The following TOP1 variants were observed in gnomAD, a reference collection of about 807,000 sequenced individuals.
TOP1 encodes the protein DNA topoisomerase I, also known as DNA topoisomerase 1.
In TOP1, 10 loss-of-function variants were observed where a neutral mutation model predicts 111.1. The observed-to-expected ratio is 0.09, with a 90% CI of 0.06 to 0.15. The LOEUF (loss-of-function observed/expected upper bound fraction) is 0.15, where lower values mean the gene tolerates loss of function less well. TOP1 is among the 10% of genes least tolerant of loss of function. The pLI, the probability that TOP1 is intolerant of heterozygous loss-of-function variation, is 1.00. For synonymous variants in TOP1, 271 were observed against 302.9 expected (o/e 0.89, Z 1.10); for missense variants, 474 against 926.7 (o/e 0.51, Z 6.34).
chr20:41,089,020 C>CCT (rs2033883300), intron 8 of TOP1, among the ~76,000 whole-genome samples: 2 of 77,926 alleles, frequency 2.6e-5, no homozygotes, highest in South Asian at 9.7e-4. Flanking sequence ...TGCCCCAGTT[C>CCT]TTTTTTTTTT....
chr20:41,054,214 G>C (rs1878948902), intron 2 of TOP1, among the ~76,000 whole-genome samples: 1 of 152,106 alleles, frequency 6.6e-6, no homozygotes, highest in Non-Finnish European at 1.5e-5. Flanking sequence ...GGAGGTGATT[G>C]AATCACCCGG....
rs75253847 is a variant in TOP1 at position 41,031,124 on chromosome 20, A to G, written c.58+1669A>G. 3.5e-3 allele frequency among the ~76,000 whole-genome samples: 538 copies of G among 152,304 alleles called. 3 individuals carry two copies. The highest frequency in any genetic ancestry group is 0.012 in the African/African-American group (515 of 41,572). The stretch of plus-strand genomic sequence containing the variant: ...CTGGGGGTTGTGGAAGACTGGGCGC[A>G]GAGAATTGTCAGGGGTTGGAGTGTT... On this transcript the variant is annotated intron_variant, in intron 2 of 20. Transcript: ENST00000361337.
At position 41,102,700 on chromosome 20, in the gene TOP1, C is replaced by T. The variant is rs759920884; in HGVS notation, c.1308+1347C>T. Among the ~76,000 whole-genome samples the T allele has an allele frequency of 1.3e-5, 2 of 152,242 alleles. No individual in the cohort carries two copies. Among genetic ancestry groups the T allele is most frequent in the Non-Finnish European group, 2.9e-5 (2 of 68,012 alleles). On this transcript the variant is annotated intron_variant, in intron 13 of 20. Coordinates refer to ENST00000361337, the MANE Select transcript of TOP1 (RefSeq NM_003286.4). This position sits in a 1 kb window ranked among gnomAD's most constrained non-coding sequence, Gnocchi z 4.0. ...TCAGAAAGCGAACACTTATGTTGAGCAGACTAGTCATTTAAAGAAACATGT... is the reference window on the plus strand; with the variant it reads ...TCAGAAAGCGAACACTTATGTTGAGTAGACTAGTCATTTAAAGAAACATGT...
intron 3 of TOP1, chr20:41,072,181 A>G (rs1418536259): frequency 1.1e-6 from 1 of 944,690 alleles, no homozygotes; most frequent in Non-Finnish European, 1.3e-6. Context: ...TTCAGCCTCT[A>G]ACCTGGCTAA....
At position 41,118,731 on chromosome 20, in the gene TOP1, A is replaced by G. The variant is rs2145970864; in HGVS notation, c.1950+435A>G. 6.6e-6 allele frequency among the ~76,000 whole-genome samples: 1 copy of G among 152,368 alleles called. No homozygotes were observed. Among genetic ancestry groups the G allele is most frequent in the South Asian group, 2.1e-4 (1 of 4,830 alleles). ...TATTTAAAGTCTTTCAAATCCTAGCATAGCTATTTTTATTTTTACGCATTC... is the reference window on the plus strand; with the variant it reads ...TATTTAAAGTCTTTCAAATCCTAGCGTAGCTATTTTTATTTTTACGCATTC... On this transcript the variant is annotated intron_variant, in intron 18 of 20. Transcript: ENST00000361337. The surrounding 1 kb of genome is among the most constrained non-coding windows in gnomAD (Gnocchi z 4.6).
chr20:41,057,085 G>T lies in TOP1; in HGVS notation c.59-4309G>T, dbSNP rs543097955. 3.3e-5 allele frequency among the ~76,000 whole-genome samples: 5 copies of T among 152,212 alleles called. No individual in the cohort carries two copies. The East Asian group carries it at 9.6e-4, about 29-fold the overall frequency. ...GTTCGAGACCAGCCTCGGCAACACG[G>T]TGAAACCCCATCTCTACTAAAATAC... On this transcript the variant is annotated intron_variant, in intron 2 of 20. Coordinates refer to ENST00000361337, the MANE Select transcript of TOP1 (RefSeq NM_003286.4).
intron 4 of TOP1, among the ~76,000 whole-genome samples, chr20:41,076,667 A>G (rs1293173318): frequency 2.0e-5 from 3 of 152,214 alleles, no homozygotes; most frequent in Non-Finnish European, 4.4e-5. Context: ...ATTTGGTTCC[A>G]GCATAACCAG....
At chr20:41,035,387 A>G (rs2033172448) in intron 2 of TOP1, among the ~76,000 whole-genome samples, 1 of 152,132 alleles carries the variant, frequency 6.6e-6, no homozygotes, top group African/African-American at 2.4e-5. Context: ...TGAAATTAAC[A>G]TTTTTGTTTC....
rs2034336690 is a variant in TOP1, at chr20:41,116,744, T to C, written c.1822+352T>C. 6.6e-6 allele frequency among the ~76,000 whole-genome samples: 1 copy of C among 152,212 alleles called. No homozygotes were observed. The highest frequency in any genetic ancestry group is 2.4e-5 in the African/African-American group (1 of 41,460). ...ATTGGAGAGAGTAAAGTTGTCATGG[T>C]TACCAGAAAAATACAGGAACAAGTC... On this transcript the variant is annotated intron_variant, in intron 17 of 20. Coordinates refer to ENST00000361337, the MANE Select transcript of TOP1 (RefSeq NM_003286.4). This position sits in a 1 kb window ranked among gnomAD's most constrained non-coding sequence, Gnocchi z 5.6.
chr20:41,122,333 C>T lies in TOP1; in HGVS notation c.2195+178C>T, dbSNP rs928295956. 6.6e-6 allele frequency among the ~76,000 whole-genome samples: 1 copy of T among 152,194 alleles called. No individual in the cohort carries two copies. Among genetic ancestry groups the T allele is most frequent in the African/African-American group, 2.4e-5 (1 of 41,448 alleles). ...GGTTGCTGAACCTTGTCTGTAAATG[C>T]ATTGCAACATTCTGGTTGCTCCTAA... On this transcript the variant is annotated intron_variant, in intron 20 of 20. Coordinates refer to ENST00000361337, the MANE Select transcript of TOP1 (RefSeq NM_003286.4). The surrounding 1 kb of genome is among the most constrained non-coding windows in gnomAD (Gnocchi z 5.4).
chr20:41,096,305 T>C (rs1013374696), intron 9 of TOP1, among the ~76,000 whole-genome samples: 1 of 152,190 alleles, frequency 6.6e-6, no homozygotes, highest in Non-Finnish European at 1.5e-5. Flanking sequence ...TGACCTCAAG[T>C]GATCTGCCTG....
Position 41,097,813 on chromosome 20 carries a change from G to T in TOP1, c.853-402G>T, listed in dbSNP as rs184537135. On this transcript the variant is annotated intron_variant, in intron 10 of 20. Coordinates refer to ENST00000361337, the MANE Select transcript of TOP1 (RefSeq NM_003286.4). The surrounding 1 kb of genome is among the most constrained non-coding windows in gnomAD (Gnocchi z 4.2). ...TCTCAATTTGGATAATGTGGACAGA[G>T]GCAGCAGTAAAGTTTACTTCCTGAA... Among the ~76,000 whole-genome samples the T allele has an allele frequency of 3.2e-3, 483 of 152,268 alleles. 3 individuals carry two copies. Among genetic ancestry groups the T allele is most frequent in the South Asian group, 7.0e-3 (34 of 4,824 alleles).
intron 2 of TOP1, among the ~76,000 whole-genome samples, chr20:41,044,521 G>T (rs999779274): frequency 6.6e-6 from 1 of 152,112 alleles, no homozygotes; most frequent in Non-Finnish European, 1.5e-5. Flanking sequence ...GTTCATTGAG[G>T]GCCTGATTCT....
intron 2 of TOP1, among the ~76,000 whole-genome samples, chr20:41,048,398 C>T (rs2033360226): frequency 1.3e-5 from 2 of 152,176 alleles, no homozygotes; most frequent in Admixed American, 6.5e-5. Flanking sequence ...AACCACTGCA[C>T]TCAAGCATTT....
At chr20:41,051,528 T>C (rs1040155682) in intron 2 of TOP1, among the ~76,000 whole-genome samples, 5 of 152,172 alleles carry the variant, frequency 3.3e-5, no homozygotes, top group Non-Finnish European at 2.9e-5. Context: ...AGACACCAGA[T>C]AGAATAAGAT....
intron 2 of TOP1, among the ~76,000 whole-genome samples, chr20:41,036,506 C>G (rs1242526579): frequency 2.0e-5 from 3 of 152,234 alleles, no homozygotes; most frequent in Admixed American, 6.5e-5. Context: ...GAAGGTGCCT[C>G]TCTGTCCTCA....
intron 2 of TOP1, among the ~76,000 whole-genome samples, chr20:41,043,759 A>T (rs1034499462): frequency 6.6e-6 from 1 of 152,218 alleles, no homozygotes; most frequent in East Asian, 1.9e-4. Context: ...AGAGGTTTGT[A>T]GTCACTCTCA....
At chr20:41,066,887 A>G (rs906194307) in intron 3 of TOP1, among the ~76,000 whole-genome samples, 2 of 151,968 alleles carry the variant, frequency 1.3e-5, no homozygotes, top group African/African-American at 2.4e-5. Context: ...CTTCATTCCT[A>G]TAAAAATAGA....
rs1314321919 is a variant in TOP1 at position 41,094,271 on chromosome 20, C to T, written c.730+1684C>T. Among the ~76,000 whole-genome samples the T allele has an allele frequency of 6.6e-6, 1 of 152,062 alleles. No homozygotes were observed. Among genetic ancestry groups the T allele is most frequent in the African/African-American group, 2.4e-5 (1 of 41,374 alleles). On this transcript the variant is annotated intron_variant, in intron 9 of 20. Coordinates refer to ENST00000361337, the MANE Select transcript of TOP1 (RefSeq NM_003286.4). This position sits in a 1 kb window ranked among gnomAD's most constrained non-coding sequence, Gnocchi z 4.4. ...CCTAAGACAGTTCTTTCAGCCCTCA[C>T]GCTGGTCATTCCTGGAGACTCTTAA...
Sources: allele counts gnomAD v4.1 joint callset (sites outside exome capture counted in the v4.1 genomes callset), GRCh38; gene constraint gnomAD v4.1.1; non-coding constraint Gnocchi (gnomAD v3.1); transcripts MANE v1.5; gene names NCBI Gene and HGNC (gene_info 2026-07-23, HGNC 2026-07-21).